Variants in C3orf22 observed in about 807,000 individuals in gnomAD.
C3orf22 encodes the protein chromosome 3 open reading frame 22.
C3orf22 carries 7 observed loss-of-function variants against 10.8 expected under a neutral mutation model. The ratio of observed to expected loss-of-function variants is 0.65; its 90% CI spans 0.37 to 1.22. The LOEUF (loss-of-function observed/expected upper bound fraction) is 1.22, where lower values mean the gene tolerates loss of function less well. Ranked by LOEUF, C3orf22 falls within the 50% of genes most tolerant of loss-of-function variation. The pLI, the probability that C3orf22 is intolerant of heterozygous loss-of-function variation, is 0.02. For synonymous variants in C3orf22, 79 were observed against 78.9 expected (o/e 1.00, Z 0.00); for missense variants, 173 against 177.0 (o/e 0.98, Z 0.13).
chr3:126,529,847 T>C (rs1936614729), intron 4 of C3orf22, among the ~76,000 whole-genome samples: 1 of 152,224 alleles, frequency 6.6e-6, no homozygotes, highest in Admixed American at 6.5e-5. Flanking sequence ...ACCGCGTGGC[T>C]TTCCCTGTGC....
chr3:126,541,204 C>A (rs1259078016), intron 4 of C3orf22, among the ~76,000 whole-genome samples: 1 of 152,084 alleles, frequency 6.6e-6, no homozygotes, highest in Non-Finnish European at 1.5e-5. Context: ...CCTGTCCCAG[C>A]GCTGAGATAA....
At chr3:126,540,367 G>T (rs1936932729) in intron 4 of C3orf22, among the ~76,000 whole-genome samples, 1 of 152,058 alleles carries the variant, frequency 6.6e-6, no homozygotes, top group South Asian at 2.1e-4. Context: ...TCCATCAGCA[G>T]CCCAGTGTCC....
chr3:126,535,222 T>TAG (rs1936753917), intron 4 of C3orf22, among the ~76,000 whole-genome samples: 1 of 40,708 alleles, frequency 2.5e-5, no homozygotes, highest in African/African-American at 9.1e-5. Context: ...CCCCAGCCGG[T>TAG]AGACAGACAG....
chr3:126,530,700 A>G (rs1936639411), intron 4 of C3orf22, among the ~76,000 whole-genome samples: 2 of 152,356 alleles, frequency 1.3e-5, no homozygotes, highest in South Asian at 2.1e-4. Flanking sequence ...TGACCAGCCA[A>G]CATTGCTGCC....
intron 1 of C3orf22, among the ~76,000 whole-genome samples, chr3:126,557,989 T>TA (rs1559757228): frequency 5.5e-4 from 83 of 152,182 alleles, no homozygotes; most frequent in African/African-American, 1.9e-3. Flanking sequence ...AGGCCCCAGC[T>TA]CAGCCCCTTC....
At chr3:126,529,160 C>T in exon 5 of C3orf22, 1 of 517,928 alleles carries the variant, frequency 1.9e-6, no homozygotes, top group Non-Finnish European at 3.4e-6. Flanking sequence ...CCTGCTTTGG[C>T]TGAGGTGGGT....
chr3:126,533,340 AT>A (rs1333883461), intron 4 of C3orf22, among the ~76,000 whole-genome samples: 1 of 152,116 alleles, frequency 6.6e-6, no homozygotes, highest in Non-Finnish European at 1.5e-5. Flanking sequence ...GTCTTTCACT[AT>A]TAAGTTATCT....
At chr3:126,541,756 G>A (rs2107573599) in intron 4 of C3orf22, 12 of 1,504,496 alleles carry the variant, frequency 8.0e-6, no homozygotes, top group African/African-American at 1.4e-5. Flanking sequence ...CCCTGGCGAA[G>A]GTGCACCGGC....
intron 4 of C3orf22, among the ~76,000 whole-genome samples, chr3:126,530,753 G>A (rs1936640330): frequency 6.6e-6 from 1 of 152,266 alleles, no homozygotes; most frequent in Non-Finnish European, 1.5e-5. Flanking sequence ...TCGTTCCTGG[G>A]ACATGTCCGG....
intron 3 of C3orf22, among the ~76,000 whole-genome samples, chr3:126,551,124 T>C (rs1483059248): frequency 6.6e-6 from 1 of 152,238 alleles, no homozygotes; most frequent in Non-Finnish European, 1.5e-5. Flanking sequence ...TGTGTGTGTG[T>C]GTGTGTGCGT....
chr3:126,548,160 A>G, downstream of C3orf22, among the ~76,000 whole-genome samples: 1 of 152,222 alleles, frequency 6.6e-6, no homozygotes, highest in East Asian at 1.9e-4. Context: ...ATGCCCAGCT[A>G]ATTTTTGTAT....
intron 1 of C3orf22, 32 bp from the exon 2 acceptor site, chr3:126,553,462 A>C: frequency 2.3e-4 from 134 of 589,662 alleles, no homozygotes; most frequent in Non-Finnish European, 3.5e-4. Flanking sequence ...CAGAGGGGGC[A>C]GGGGTGGTGG....
At chr3:126,530,476 C>T (rs988343041) in intron 4 of C3orf22, among the ~76,000 whole-genome samples, 2 of 152,208 alleles carry the variant, frequency 1.3e-5, no homozygotes, top group Non-Finnish European at 2.9e-5. Flanking sequence ...CCACCCCCTG[C>T]CCACAGAACA....
chr3:126,536,059 G>T (rs1936782830), intron 4 of C3orf22, among the ~76,000 whole-genome samples: 2 of 152,132 alleles, frequency 1.3e-5, no homozygotes, highest in African/African-American at 4.8e-5. Context: ...ATGGGAGCAG[G>T]AATGACACAA....
downstream of C3orf22, among the ~76,000 whole-genome samples, chr3:126,546,945 T>C (rs1200976740): frequency 2.0e-5 from 3 of 152,236 alleles, no homozygotes; most frequent in African/African-American, 7.2e-5. Context: ...CATGATGACA[T>C]GCTGCTTTTG....
At chr3:126,529,347 G>A (rs1427697278) in exon 5 of C3orf22, 5 of 1,289,206 alleles carry the variant, frequency 3.9e-6, no homozygotes, top group South Asian at 2.5e-5. Flanking sequence ...ATTTCCTCAT[G>A]GGTCAGTGAA....
chr3:126,549,410 GCTGC>G, downstream of C3orf22: 1 of 392,430 alleles, frequency 2.5e-6, no homozygotes, highest in South Asian at 1.9e-5. Flanking sequence ...CATTTGAATG[GCTGC>G]CTAAGATTTC....
At chr3:126,542,424 C>T in intron 4 of C3orf22, 1 of 1,551,712 alleles carries the variant, frequency 6.4e-7, no homozygotes, top group East Asian at 2.5e-5. Context: ...TTCCCTGGGC[C>T]GCCGCGGCCC....
rs899317456 is a variant in C3orf22, at chr3:126,542,186, G to T, written c.286+7351C>A. On this transcript the variant is annotated intron_variant and NMD_transcript_variant, in intron 4 of 5. Coordinates refer to the C3orf22 transcript ENST00000505070. ...CATCGTTCAGCGCCTGCGGCCGCGC[G>T]CGCTCCCCGACGCCCGGGCCCGCGG... 26 of 1,443,836 alleles carry T rather than the reference G, an allele frequency of 1.8e-5. No individual in the cohort carries two copies. Among genetic ancestry groups the T allele is most frequent in the Non-Finnish European group, 2.3e-5 (25 of 1,105,814 alleles). The allele number at this position is 1,443,836 out of a possible 1,614,324, so 89.4% of individuals were successfully genotyped here. A position where few individuals can be genotyped will look rare whatever the true frequency, so the allele number is the denominator to read the frequency against.
Sources: allele counts gnomAD v4.1 joint callset (sites outside exome capture counted in the v4.1 genomes callset), GRCh38; gene constraint gnomAD v4.1.1; transcripts MANE v1.5; gene names NCBI Gene and HGNC (gene_info 2026-07-23, HGNC 2026-07-21).